Variants in SLC38A4 observed in about 807,000 individuals in gnomAD.
The protein encoded by SLC38A4 is sodium-coupled neutral amino acid transporter 4.
Under a neutral mutation model 63.1 loss-of-function variants are expected in SLC38A4, and 20 were observed. The ratio of observed to expected loss-of-function variants is 0.32; its 90% CI spans 0.22 to 0.46. The LOEUF (loss-of-function observed/expected upper bound fraction) is 0.46, where lower values mean the gene tolerates loss of function less well. SLC38A4 is among the 20% of genes least tolerant of loss of function. The pLI is 1.00. For synonymous variants in SLC38A4, 230 were observed against 225.5 expected, an observed-to-expected ratio of 1.02 and a Z score of -0.18; for missense variants, 526 against 663.6, an observed-to-expected ratio of 0.79 and a Z score of 2.28.
At chr12:46,829,650 A>T (rs1216200173), upstream of SLC38A4, among the ~76,000 whole-genome samples, 1 of 152,186 alleles carries the variant, frequency 6.6e-6, no homozygotes, top group Non-Finnish European at 1.5e-5. Context: ...TATAGAAAAA[A>T]GTCCAGTCCT....
In SLC38A4 at chr12:46,816,313, T is replaced by C. The variant is rs150067654; in HGVS notation, c.-305+9590A>G. 2.8e-3 allele frequency among the ~76,000 whole-genome samples: 423 copies of C among 151,958 alleles called. 2 individuals are homozygous for C. The highest frequency in any genetic ancestry group is 9.9e-3 in the African/African-American group (411 of 41,510). On this transcript the variant is annotated intron_variant, in intron 1 of 16. Coordinates refer to ENST00000266579, the MANE Select transcript of SLC38A4 (RefSeq NM_018018.5). The stretch of plus-strand genomic sequence containing the variant: ...AAGGGTAATATTTGGATGCATAATA[T>C]TGACTCTGGCAAAAAACACAAAACC...
In SLC38A4 at chr12:46,806,315, C is replaced by A. The variant is rs1939231597; in HGVS notation, c.-304-2521G>T. On this transcript the variant is annotated intron_variant, in intron 1 of 16. Transcript: ENST00000266579. ...GAACAGAATGGAATAGTACAGACTGCAAAAGGTGTTAAGTCTAGGGAACTC... is the reference window on the plus strand; with the variant it reads ...GAACAGAATGGAATAGTACAGACTGAAAAAGGTGTTAAGTCTAGGGAACTC... 3.3e-5 allele frequency among the ~76,000 whole-genome samples: 5 copies of A among 151,872 alleles called. 1 individual carries two copies. Among genetic ancestry groups the A allele is most frequent in the Admixed American group, 3.3e-4 (5 of 15,214 alleles).
chr12:46,823,987 A>G (rs1035659485), intron 1 of SLC38A4, among the ~76,000 whole-genome samples: 2 of 152,232 alleles, frequency 1.3e-5, no homozygotes, highest in Non-Finnish European at 2.9e-5. Flanking sequence ...AGGTGAAAGT[A>G]GTGTAACACT....
chr12:46,818,602 C>G (rs867641089), intron 1 of SLC38A4, among the ~76,000 whole-genome samples: 2 of 151,622 alleles, frequency 1.3e-5, no homozygotes, highest in Admixed American at 6.6e-5. Flanking sequence ...ATAAGGAACC[C>G]TCAGCTGGCA....
intron 15 of SLC38A4, among the ~76,000 whole-genome samples, chr12:46,768,968 T>G (rs1394517822): frequency 3.3e-5 from 5 of 152,114 alleles, no homozygotes; most frequent in Non-Finnish European, 7.4e-5. Context: ...TATCTTCCTC[T>G]TTTCCTGATG....
intron 1 of SLC38A4, among the ~76,000 whole-genome samples, chr12:46,809,912 G>A (rs979561021): frequency 6.6e-6 from 1 of 151,828 alleles, no homozygotes; most frequent in Non-Finnish European, 1.5e-5. Context: ...ACTATGCCTC[G>A]TGCATAATAG....
At chr12:46,769,187 A>G in intron 15 of SLC38A4, 97 bp downstream of exon 15, 1 of 1,348,598 alleles carries the variant, frequency 7.4e-7, no homozygotes, top group South Asian at 1.3e-5. Flanking sequence ...AGCCTGAGAA[A>G]GAACGGGGAT....
chr12:46,822,748 A>G (rs1252866088), intron 1 of SLC38A4, among the ~76,000 whole-genome samples: 1 of 152,202 alleles, frequency 6.6e-6, no homozygotes, highest in East Asian at 1.9e-4. Flanking sequence ...CTTGGAAACA[A>G]CAAACAAGAG....
intron 2 of SLC38A4, among the ~76,000 whole-genome samples, chr12:46,794,752 T>A (rs1190239485): frequency 6.6e-6 from 1 of 151,850 alleles, no homozygotes; most frequent in Non-Finnish European, 1.5e-5. Context: ...CATTCCAATA[T>A]AGAGAATTGT....
At chr12:46,794,233 C>T (rs1565671128) in intron 2 of SLC38A4, among the ~76,000 whole-genome samples, 1 of 152,052 alleles carries the variant, frequency 6.6e-6, no homozygotes, top group Non-Finnish European at 1.5e-5. Flanking sequence ...AACCCAGTGC[C>T]ATGGCAGTAC....
rs371609123 is a variant in SLC38A4, at chr12:46,779,862, T to C, written c.576A>G (p.Gly192=). ...RAFMGLEENT[G]EWYLNGNYLI... Reference sequence around the variant, plus strand: ...GGTAGTTGCCATTGAGGTACCATTCTCTAGAAGTGAGAGACAAGGATATTA... The same window carrying C: ...GGTAGTTGCCATTGAGGTACCATTCCCTAGAAGTGAGAGACAAGGATATTA... Residue 192 remains glycine, a splice_region_variant and synonymous_variant, in exon 9 of 17, where the codon GGA becomes GGG. Coordinates refer to ENST00000266579, the MANE Select transcript of SLC38A4 (RefSeq NM_018018.5). 7.4e-6 allele frequency: 12 copies of C among 1,612,020 alleles called. No individual in the cohort carries two copies. Among genetic ancestry groups the C allele is most frequent in the Non-Finnish European group, 8.5e-6 (10 of 1,178,904 alleles).
At chr12:46,776,335 C>G (rs1373151637) in intron 13 of SLC38A4, among the ~76,000 whole-genome samples, 1 of 151,786 alleles carries the variant, frequency 6.6e-6, no homozygotes, top group African/African-American at 2.4e-5. Flanking sequence ...GCCATAGTCA[C>G]TTTTTTTTGG....
intron 13 of SLC38A4, 126 bp from the exon 14 acceptor site, chr12:46,775,299 T>C: frequency 8.5e-7 from 1 of 1,182,638 alleles, no homozygotes; most frequent in Non-Finnish European, 1.2e-6. Flanking sequence ...TCCAGGCACC[T>C]CTGGTCTTGC....
intron 2 of SLC38A4, among the ~76,000 whole-genome samples, chr12:46,795,128 T>C (rs1034947253): frequency 2.8e-4 from 43 of 152,210 alleles, no homozygotes; most frequent in African/African-American, 9.6e-4. Flanking sequence ...ATTCTAGATC[T>C]GAATAATTCA....
intron 5 of SLC38A4, among the ~76,000 whole-genome samples, chr12:46,785,738 C>CTTTTTT (rs11335369): frequency 1.6e-4 from 11 of 66,890 alleles, no homozygotes; most frequent in African/African-American, 2.6e-4. Context: ...ACGAAAATTC[C>CTTTTTT]TTTTTTTTTT....
chr12:46,792,749 T>C (rs1938917318), intron 3 of SLC38A4, among the ~76,000 whole-genome samples: 1 of 152,144 alleles, frequency 6.6e-6, no homozygotes, highest in South Asian at 2.1e-4. Context: ...ACAAAGACAT[T>C]GTAACCTCAA....
At chr12:46,787,484 A>G (rs552227487) in intron 5 of SLC38A4, among the ~76,000 whole-genome samples, 1 of 152,162 alleles carries the variant, frequency 6.6e-6, no homozygotes, top group Non-Finnish European at 1.5e-5. Context: ...CAATGGTGAG[A>G]GGGAATGTGG....
intron 2 of SLC38A4, among the ~76,000 whole-genome samples, chr12:46,793,441 T>A (rs1343933261): frequency 6.6e-6 from 1 of 152,114 alleles, no homozygotes; most frequent in Non-Finnish European, 1.5e-5. Flanking sequence ...AATGGCAGGT[T>A]TTACTAGTCA....
At chr12:46,785,429 G>T (rs1276220386) in intron 5 of SLC38A4, among the ~76,000 whole-genome samples, 4 of 151,842 alleles carry the variant, frequency 2.6e-5, no homozygotes, top group Non-Finnish European at 4.4e-5. Flanking sequence ...GGTAGAATCT[G>T]GTTCATAACT....
Sources: allele counts gnomAD v4.1 joint callset (sites outside exome capture counted in the v4.1 genomes callset), GRCh38; gene constraint gnomAD v4.1.1; transcripts MANE v1.5; gene names NCBI Gene and HGNC (gene_info 2026-07-23, HGNC 2026-07-21).